Variants in PREX1 observed in about 807,000 individuals in gnomAD.
PREX1 encodes phosphatidylinositol-3,4,5-trisphosphate dependent Rac exchange factor 1.
PREX1 carries 41 observed loss-of-function variants against 198.3 expected under a neutral mutation model. The observed-to-expected ratio is 0.21, with a 90% CI of 0.16 to 0.27. PREX1 has a LOEUF of 0.27. PREX1 is among the 10% of genes least tolerant of loss of function. PREX1 has a pLI of 1.00. For missense variants in PREX1, 1,620 were observed against 2,200.7 expected (o/e 0.74, Z 5.28); for synonymous variants, 843 against 887.2 (o/e 0.95, Z 0.89).
the PREX1 span, among the ~76,000 whole-genome samples, chr20:48,872,020 G>A: frequency 1.3e-5 from 2 of 151,950 alleles, no homozygotes; most frequent in Non-Finnish European, 2.9e-5. Context: ...CTAGCCGGGC[G>A]TGGTGGCGGG....
intron 36 of PREX1, among the ~76,000 whole-genome samples, chr20:48,630,149 A>T (rs1012893189): frequency 2.2e-4 from 33 of 152,152 alleles, no homozygotes; most frequent in Non-Finnish European, 1.5e-5. Flanking sequence ...AGCACCCCAA[A>T]ATCATCAGCA....
chr20:48,665,620 G>A (rs1289932071), intron 15 of PREX1, among the ~76,000 whole-genome samples: 1 of 152,220 alleles, frequency 6.6e-6, no homozygotes, highest in East Asian at 1.9e-4. Flanking sequence ...TGGGGCTGAT[G>A]TTAATACTCA....
chr20:48,644,122 C>T (rs2089434176), intron 27 of PREX1, among the ~76,000 whole-genome samples: 3 of 152,214 alleles, frequency 2.0e-5, no homozygotes, highest in South Asian at 4.1e-4. Context: ...AGAATTGAAC[C>T]GTGCATGCTT....
At chr20:48,685,380 C>A (rs1453386540) in intron 10 of PREX1, among the ~76,000 whole-genome samples, 2 of 152,186 alleles carry the variant, frequency 1.3e-5, no homozygotes, top group Non-Finnish European at 2.9e-5. Flanking sequence ...GAAAGAGGCC[C>A]CTCCTTCATA....
At chr20:48,833,757 A>G in the PREX1 span, among the ~76,000 whole-genome samples, 2 of 152,090 alleles carry the variant, frequency 1.3e-5, no homozygotes, top group African/African-American at 4.8e-5. Flanking sequence ...ATCCTTTCAA[A>G]TAAGCATTGA....
chr20:48,755,481 TACA>T (rs2090152411), intron 1 of PREX1, among the ~76,000 whole-genome samples: 1 of 152,218 alleles, frequency 6.6e-6, no homozygotes, highest in African/African-American at 2.4e-5. Context: ...GCATATTATG[TACA>T]ACATCTTGGA....
chr20:48,886,958 C>G, the PREX1 span, among the ~76,000 whole-genome samples: 1 of 152,276 alleles, frequency 6.6e-6, no homozygotes, highest in Admixed American at 6.5e-5. Context: ...TTGCAAAATC[C>G]CTTTAGCAAT....
chr20:48,815,935 G>C (rs1409849761), intron 1 of PREX1, among the ~76,000 whole-genome samples: 1 of 151,850 alleles, frequency 6.6e-6, no homozygotes, highest in East Asian at 1.9e-4. Flanking sequence ...GCTCGAACCT[G>C]GGAAGTGGAG....
intron 19 of PREX1, 23 bp downstream of exon 19, chr20:48,655,265 CCT>C: frequency 3.3e-6 from 5 of 1,517,280 alleles, no homozygotes; most frequent in South Asian, 2.3e-5. Flanking sequence ...GCACCTTTCC[CCT>C]CTCTCCCAAG....
rs1179681671 is a variant in PREX1, at chr20:48,822,315, C to CA, written c.219+5326dup. 2.0e-5 allele frequency among the ~76,000 whole-genome samples: 3 copies of CA among 152,228 alleles called. No homozygotes were observed. The East Asian group carries it at 5.8e-4, about 29-fold the overall frequency. On this transcript the variant is annotated intron_variant, in intron 1 of 39. Transcript: ENST00000371941. The stretch of plus-strand genomic sequence containing the variant: ...CAGGGGCAGTAATTTTGCTCATGAA[C>CA]ACAGCCTCATTTTGGTGCAATTCAG...
chr20:48,773,904 C>T (rs1300673776), intron 1 of PREX1, among the ~76,000 whole-genome samples: 4 of 152,106 alleles, frequency 2.6e-5, no homozygotes, highest in South Asian at 2.1e-4. Flanking sequence ...CTCCTGCAAT[C>T]GTCCAGGCGG....
At chr20:48,650,370 G>A (rs1022000360) in intron 23 of PREX1, among the ~76,000 whole-genome samples, 164 bp from the exon 24 acceptor site, 3 of 152,354 alleles carry the variant, frequency 2.0e-5, no homozygotes, top group African/African-American at 7.2e-5. Flanking sequence ...TGTGTTTCAC[G>A]GCTCAGGACT....
chr20:48,702,861 C>T (rs186232257), intron 6 of PREX1, among the ~76,000 whole-genome samples: 26 of 152,344 alleles, frequency 1.7e-4, no homozygotes, highest in East Asian at 7.7e-4. Context: ...CAGGGTGCCA[C>T]GGACATTTAG....
intron 1 of PREX1, among the ~76,000 whole-genome samples, chr20:48,816,527 G>A (rs1211938922): frequency 6.6e-6 from 1 of 152,144 alleles, no homozygotes; most frequent in African/African-American, 2.4e-5. Context: ...GATAAAGCAG[G>A]GAGAAGAGTA....
intron 1 of PREX1, among the ~76,000 whole-genome samples, chr20:48,750,779 G>C (rs1427436687): frequency 6.6e-6 from 1 of 152,142 alleles, no homozygotes; most frequent in South Asian, 2.1e-4. Flanking sequence ...AGCTCCTAAG[G>C]GAAAGGCCAG....
chr20:48,729,635 T>C (rs955928882), intron 4 of PREX1, among the ~76,000 whole-genome samples: 1 of 152,148 alleles, frequency 6.6e-6, no homozygotes, highest in Non-Finnish European at 1.5e-5. Context: ...TTGACTCCTC[T>C]CGTTCATTTA....
In PREX1 at chr20:48,650,203, C is replaced by T. The variant is rs1286041486; in HGVS notation, c.2821G>A (p.Ala941Thr). Residue 941 changes from alanine (A) to threonine (T), a missense_variant, in exon 24 of 40, where the codon GCA (alanine) becomes ACA (threonine). By Grantham distance (58) the Ala-to-Thr change is moderately conservative (BLOSUM62 0). Coordinates refer to ENST00000371941, the MANE Select transcript of PREX1 (RefSeq NM_020820.4). The part of the protein sequence containing the change: ...GQRIACYQEF[A>T]AQLKSRVSPP... The stretch of plus-strand genomic sequence containing the variant: ...CTGACCCTGCTCTTCAGTTGGGCTG[C>T]AAACTGAGAAAGTGGAGGCCGTAAG... 1.2e-6 allele frequency: 2 copies of T among 1,611,300 alleles called. No individual in the cohort carries two copies. The highest frequency in any genetic ancestry group is 1.7e-6 in the Non-Finnish European group (2 of 1,178,312).
intron 14 of PREX1, among the ~76,000 whole-genome samples, chr20:48,672,928 C>A (rs771490715): frequency 6.6e-6 from 1 of 152,122 alleles, no homozygotes; most frequent in African/African-American, 2.4e-5. Context: ...CTCACCAGAA[C>A]GTAATATCTG....
intron 5 of PREX1, among the ~76,000 whole-genome samples, chr20:48,710,349 G>A (rs2089924776): frequency 6.6e-6 from 1 of 152,198 alleles, no homozygotes; most frequent in South Asian, 2.1e-4. Flanking sequence ...ATGGTCCTCT[G>A]GGAGCTCATG....
Sources: allele counts gnomAD v4.1 joint callset (sites outside exome capture counted in the v4.1 genomes callset), GRCh38; gene constraint gnomAD v4.1.1; transcripts MANE v1.5; gene names NCBI Gene and HGNC (gene_info 2026-07-23, HGNC 2026-07-21).